RAI14: variants seen among roughly 807,000 people sequenced by gnomAD.
RAI14 encodes ankycorbin.
RAI14 carries 45 observed loss-of-function variants against 115.4 expected under a neutral mutation model. That is an observed-to-expected ratio of 0.39 (90% CI 0.31 to 0.50). RAI14 has a LOEUF of 0.50. Ranked by LOEUF, RAI14 falls within the 20% of genes least tolerant of loss-of-function variation. The pLI, the probability that RAI14 is intolerant of heterozygous loss-of-function variation, is 0.85. For synonymous variants in RAI14, 371 were observed against 415.4 expected, an observed-to-expected ratio of 0.89 and a Z score of 1.30; for missense variants, 939 against 1,131.2, an observed-to-expected ratio of 0.83 and a Z score of 2.44.
chr5:34,773,909 AC>A (rs1750506646), intron 3 of RAI14, among the ~76,000 whole-genome samples: 1 of 152,252 alleles, frequency 6.6e-6, no homozygotes, highest in South Asian at 2.1e-4. Context: ...ATCCAAAGGA[AC>A]AGAAATTGTG....
At chr5:34,812,270 C>A in intron 10 of RAI14, 62 bp downstream of exon 10, 1 of 1,401,416 alleles carries the variant, frequency 7.1e-7, no homozygotes, top group South Asian at 1.2e-5. Context: ...TAAAAATGTT[C>A]AGATTTAACC....
At chr5:34,799,919 C>T (rs1422934680) in intron 4 of RAI14, among the ~76,000 whole-genome samples, 2 of 152,104 alleles carry the variant, frequency 1.3e-5, no homozygotes, top group Non-Finnish European at 2.9e-5. Context: ...GATCTCCTGA[C>T]CTCGTGATCC....
chr5:34,747,790 A>C (rs533997811), intron 2 of RAI14, among the ~76,000 whole-genome samples: 2 of 152,234 alleles, frequency 1.3e-5, no homozygotes, highest in Non-Finnish European at 2.9e-5. Flanking sequence ...CTTTCCATGC[A>C]CAGCTCTGAA....
At chr5:34,828,654 C>T (rs1166067044) in intron 16 of RAI14, among the ~76,000 whole-genome samples, 1 of 152,068 alleles carries the variant, frequency 6.6e-6, no homozygotes, top group African/African-American at 2.4e-5. Context: ...ATATGATGGT[C>T]TCAATTTTCA....
At chr5:34,743,068 A>G (rs981823844) in intron 2 of RAI14, among the ~76,000 whole-genome samples, 2 of 152,232 alleles carry the variant, frequency 1.3e-5, no homozygotes, top group African/African-American at 4.8e-5. Context: ...GTCAGACTGC[A>G]GTCAGTAGGG....
At chr5:34,727,918 G>A (rs1357424941) in intron 2 of RAI14, among the ~76,000 whole-genome samples, 1 of 152,154 alleles carries the variant, frequency 6.6e-6, no homozygotes, top group Non-Finnish European at 1.5e-5. Context: ...CTGCCTACTG[G>A]AGCTGTGAGA....
At chr5:34,682,128 T>C (rs777480544) in intron 1 of RAI14, among the ~76,000 whole-genome samples, 4 of 152,152 alleles carry the variant, frequency 2.6e-5, no homozygotes, top group Non-Finnish European at 4.4e-5. Context: ...GTGCTGGGAT[T>C]ATGGGCATGA....
intron 16 of RAI14, among the ~76,000 whole-genome samples, chr5:34,829,140 T>TATACAC (rs145007938): frequency 6.6e-6 from 1 of 150,986 alleles, no homozygotes; most frequent in Non-Finnish European, 1.5e-5. Context: ...TATACATATA[T>TATACAC]ACACACATAT....
rs191510896 is a variant in RAI14 at position 34,698,912 on chromosome 5, G to A, written c.36+11957G>A. ...CAAGAACGACGGGATTTGAGTGTGCGTGGGGATGAAGAGCAAGCAGGGAGG... is the reference window on the plus strand; with the variant it reads ...CAAGAACGACGGGATTTGAGTGTGCATGGGGATGAAGAGCAAGCAGGGAGG... On this transcript the variant is annotated intron_variant, in intron 2 of 17. Transcript: ENST00000265109. Among the ~76,000 whole-genome samples, 710 of 152,244 alleles carry A rather than the reference G, an allele frequency of 4.7e-3. 1 individual carries two copies. Among genetic ancestry groups the A allele is most frequent in the Non-Finnish European group, 7.9e-3 (538 of 68,006 alleles).
intron 3 of RAI14, among the ~76,000 whole-genome samples, chr5:34,768,882 G>A (rs1238008528): frequency 6.6e-6 from 1 of 150,962 alleles, no homozygotes; most frequent in South Asian, 2.1e-4. Flanking sequence ...CCAGCTACTC[G>A]AGAGGCTGAG....
intron 3 of RAI14, among the ~76,000 whole-genome samples, chr5:34,785,941 C>T (rs1752243564): frequency 6.6e-6 from 1 of 152,138 alleles, no homozygotes; most frequent in Non-Finnish European, 1.5e-5. Context: ...TAAACTAGAC[C>T]TTCCTAGAAG....
chr5:34,746,091 T>TCCCC (rs368622381), intron 2 of RAI14, among the ~76,000 whole-genome samples: 1 of 49,304 alleles, frequency 2.0e-5, no homozygotes, highest in African/African-American at 7.8e-5. Flanking sequence ...CACCACCCCC[T>TCCCC]CCCCCCCCCG....
rs1416176092 is a variant in RAI14 at position 34,687,621 on chromosome 5, AC to A, written c.36+669del. On this transcript the variant is annotated intron_variant, in intron 2 of 17. Transcript: ENST00000265109. ...ATTTTTTTAAAAGGTCACCCCATAAACCCTTCTATGATCCCAGTCTTGTATT... is the reference window on the plus strand; with the variant it reads ...ATTTTTTTAAAAGGTCACCCCATAAACCTTCTATGATCCCAGTCTTGTATT... 214 of 1,547,284 alleles carry A rather than the reference AC, an allele frequency of 1.4e-4. No individual in the cohort carries two copies. The South Asian group carries it at 2.3e-3, about 17-fold the overall frequency.
intron 13 of RAI14, among the ~76,000 whole-genome samples, chr5:34,820,874 G>C (rs573053729): frequency 5.9e-5 from 9 of 152,320 alleles, no homozygotes; most frequent in African/African-American, 2.2e-4. Flanking sequence ...TCAGAGAAGA[G>C]AAGATAGTTT....
chr5:34,693,115 G>A (rs961162717), intron 2 of RAI14, among the ~76,000 whole-genome samples: 2 of 152,128 alleles, frequency 1.3e-5, no homozygotes, highest in African/African-American at 2.4e-5. Flanking sequence ...ATTAGGGCTC[G>A]CTATAATGAC....
chr5:34,811,865 A>G lies in RAI14; in HGVS notation c.656A>G (p.Tyr219Cys), dbSNP rs750732269. ...ADLNLVDSLG[Y>C]NALHYSKLSE... is the part of the protein sequence containing the mutation. ...CTAAACCTTGTAGATTCTCTTGGAT[A>G]CAATGCCTTACATTATTCCAAACTC... Residue 219 changes from tyrosine (Y) to cysteine (C), a missense_variant, in exon 9 of 18, where the codon TAC becomes TGC. Coordinates refer to ENST00000265109, the MANE Select transcript of RAI14 (RefSeq NM_015577.3). 3 of 1,612,814 alleles carry G rather than the reference A, an allele frequency of 1.9e-6. No individual in the cohort carries two copies. Among genetic ancestry groups the G allele is most frequent in the Non-Finnish European group, 2.5e-6 (3 of 1,179,062 alleles).
intron 2 of RAI14, among the ~76,000 whole-genome samples, chr5:34,747,534 A>G (rs548299591): frequency 1.4e-4 from 21 of 152,260 alleles, no homozygotes; most frequent in African/African-American, 4.3e-4. Flanking sequence ...ACACACACAT[A>G]CTCTCTCACT....
chr5:34,829,104 T>C (rs1757747137), intron 16 of RAI14, among the ~76,000 whole-genome samples: 1 of 151,680 alleles, frequency 6.6e-6, no homozygotes, highest in African/African-American at 2.4e-5. Context: ...TTTGCATAAG[T>C]ATATGTACAT....
At chr5:34,685,521 A>T (rs371573389) in intron 1 of RAI14, among the ~76,000 whole-genome samples, 2 of 152,126 alleles carry the variant, frequency 1.3e-5, no homozygotes, top group African/African-American at 4.8e-5. Flanking sequence ...ATTCATTGCT[A>T]AGAAATTCAT....
Sources: allele counts gnomAD v4.1 joint callset (sites outside exome capture counted in the v4.1 genomes callset), GRCh38; gene constraint gnomAD v4.1.1; transcripts MANE v1.5; gene names NCBI Gene and HGNC (gene_info 2026-07-23, HGNC 2026-07-21).